The following SRSF11 variants were observed in gnomAD, a reference collection of about 807,000 sequenced individuals.
SRSF11 encodes serine/arginine-rich splicing factor 11.
Under a neutral mutation model 56.0 loss-of-function variants are expected in SRSF11, and 9 were observed. The observed-to-expected ratio is 0.16, with a 90% CI of 0.10 to 0.28. The LOEUF (loss-of-function observed/expected upper bound fraction) is 0.28. Among genes scored for constraint, SRSF11 ranks in the 10% least tolerant of loss-of-function variants. The pLI, the probability that SRSF11 is intolerant of heterozygous loss-of-function variation, is 1.00. For synonymous variants in SRSF11, 222 were observed against 215.3 expected (o/e 1.03, Z -0.27); for missense variants, 421 against 600.7 (o/e 0.70, Z 3.13).
intron 2 of SRSF11, chr1:70,229,699 T>C (rs1672496133): frequency 1.0e-6 from 1 of 985,130 alleles, no homozygotes; most frequent in African/African-American, 1.7e-5. Flanking sequence ...TCTGAAATCT[T>C]TGAAAACAAA....
Position 70,228,464 on chromosome 1 carries a change from G to A in SRSF11, c.246G>A (p.Lys82=), listed in dbSNP as rs768523851. The A allele has an allele frequency of 1.7e-5, 28 of 1,612,794 alleles. No homozygotes were observed. The highest frequency in any genetic ancestry group is 3.3e-4 in the Middle Eastern group (2 of 6,058). The change falls in exon 2 of 12, where the codon AAG becomes AAA. Residue 82 remains lysine (K), a synonymous_variant. Coordinates refer to ENST00000370949, the MANE Select transcript of SRSF11 (RefSeq NM_001350605.2). The stretch of plus-strand genomic sequence containing the variant: ...TCTCATCTCGTGTCTGCTTTGTTAA[G>A]TTCCATGATCCAGACTCAGCAGTTG... ...LPVSSRVCFV[K]FHDPDSAVVA...
Position 70,244,758 on chromosome 1 carries a change from G to A in SRSF11, c.875G>A (p.Arg292Gln), listed in dbSNP as rs747203449. 2.9e-5 allele frequency: 47 copies of A among 1,613,992 alleles called. No individual in the cohort carries two copies. The highest frequency in any genetic ancestry group is 1.7e-4 in the Admixed American group (10 of 59,994). ...RSRRRSKSPR[R>Q]RRSHSRERGR... ...CGGCGACGATCCAAAAGCCCAAGGC[G>A]GAGAAGATCTCATTCCAGAGAAAGA... Residue 292 changes from arginine (R) to glutamine (Q), a missense_variant, in exon 8 of 12, where the codon CGG becomes CAG. Arg to Gln is a conservative substitution (Grantham distance 43). This residue lies in a region of SRSF11 where 253 missense variants were observed against 305.8 expected (regional missense o/e 0.83). Transcript: ENST00000370949.
Position 70,221,387 on chromosome 1 carries a change from T to A in SRSF11, c.-250T>A, listed in dbSNP as rs942835115. ...TGGGAGCTCGGGCCCGCTAGTGTCG[T>A]GGTTGGAGGCGAGGTGGGGCGGCCG... On this transcript the variant is annotated 5_prime_UTR_variant, in exon 1 of 12. Coordinates refer to ENST00000370949, the MANE Select transcript of SRSF11 (RefSeq NM_001350605.2). The A allele has an allele frequency of 3.9e-6, 2 of 512,896 alleles. No homozygotes were observed. Among genetic ancestry groups the A allele is most frequent in the Middle Eastern group, 4.9e-4 (1 of 2,026 alleles). The allele number at this position is 512,896 out of a possible 1,614,324, so 31.8% of individuals were successfully genotyped here.
intron 2 of SRSF11, chr1:70,229,330 C>A: frequency 8.0e-7 from 1 of 1,252,438 alleles, no homozygotes; most frequent in African/African-American, 1.5e-5. Flanking sequence ...AAGTGTTTTC[C>A]TGGTGTAACC....
At chr1:70,226,825 C>A (rs1332149208) in intron 1 of SRSF11, among the ~76,000 whole-genome samples, 1 of 152,200 alleles carries the variant, frequency 6.6e-6, no homozygotes, top group African/African-American at 2.4e-5. Context: ...CATAGTAAGA[C>A]CCCTCCCATT....
intron 6 of SRSF11, 66 bp downstream of exon 6, chr1:70,237,618 A>G: frequency 6.3e-7 from 1 of 1,593,514 alleles, no homozygotes; most frequent in East Asian, 2.2e-5. Flanking sequence ...ATAAATGTGG[A>G]ATTGTGTTGA....
At chr1:70,229,311 A>G in intron 2 of SRSF11, 1 of 1,278,570 alleles carries the variant, frequency 7.8e-7, no homozygotes, top group South Asian at 1.3e-5. Flanking sequence ...GCAAGCACTC[A>G]AGTGCCCCAA....
At chr1:70,221,277 T>C (rs1006367213), upstream of SRSF11, 2 of 274,816 alleles carry the variant, frequency 7.3e-6, no homozygotes, top group African/African-American at 2.2e-5. Context: ...CCCCGGTGCC[T>C]CTCATTTCTC....
chr1:70,236,826 C>G (rs990746785), intron 5 of SRSF11, among the ~76,000 whole-genome samples: 5 of 85,634 alleles, frequency 5.8e-5, no homozygotes, highest in Non-Finnish European at 1.1e-4. Flanking sequence ...TTTTTTGAGA[C>G]GAAATCTCAC....
chr1:70,250,666 A>T lies in SRSF11; in HGVS notation c.1316A>T (p.Lys439Ile). ...GGGTATGACAGTGAGAAAGAGAAAA[A>T]AGAAGAGAAGAAACCAATAGAAACA... is the stretch of plus-strand genomic sequence containing the variant. ...EQGYDSEKEK[K>I]EEKKPIETGS... The change falls in exon 12 of 12, where the codon AAA (lysine) becomes ATA (isoleucine). Residue 439 changes from lysine (K) to isoleucine (I), a missense_variant. By Grantham distance (102) the Lys-to-Ile change is moderately radical. This residue lies in a region of SRSF11 where 253 missense variants were observed against 305.8 expected (regional missense o/e 0.83). Coordinates refer to ENST00000370949, the MANE Select transcript of SRSF11 (RefSeq NM_001350605.2). 1 of 1,613,970 alleles carries T rather than the reference A, an allele frequency of 6.2e-7. No individual in the cohort carries two copies. The highest frequency in any genetic ancestry group is 8.5e-7 in the Non-Finnish European group (1 of 1,179,932).
At chr1:70,215,551 G>A (rs1402103046) in intron 1 of SRSF11, among the ~76,000 whole-genome samples, 4 of 152,138 alleles carry the variant, frequency 2.6e-5, no homozygotes, top group Non-Finnish European at 5.9e-5. Context: ...CTGATAAATT[G>A]CCTTTTCTAG....
chr1:70,213,260 G>A (rs529559920), intron 1 of SRSF11, among the ~76,000 whole-genome samples: 3 of 152,158 alleles, frequency 2.0e-5, no homozygotes, highest in Non-Finnish European at 4.4e-5. Flanking sequence ...CTAATTAGAA[G>A]AAGTATTTAT....
intron 4 of SRSF11, 45 bp from the exon 5 acceptor site, chr1:70,235,456 T>TA: frequency 6.7e-7 from 1 of 1,491,372 alleles, no homozygotes; most frequent in Non-Finnish European, 9.2e-7. Flanking sequence ...ATCGGTCATT[T>TA]ATTGTTTTAT....
chr1:70,229,479 C>T (rs892162873), intron 2 of SRSF11: 7 of 984,832 alleles, frequency 7.1e-6, no homozygotes, highest in East Asian at 2.3e-4. Flanking sequence ...TTTTCTAAGG[C>T]GTATTTTATA....
chr1:70,228,805 C>T, intron 2 of SRSF11: 1 of 1,138,606 alleles, frequency 8.8e-7, no homozygotes, highest in South Asian at 3.2e-5. Flanking sequence ...AAACCATGTC[C>T]CTTATTGTAA....
At chr1:70,208,325 G>GGTGT (rs112343589) in intron 1 of SRSF11, among the ~76,000 whole-genome samples, 2,503 of 148,710 alleles carry the variant, frequency 0.017, 70 homozygotes, top group African/African-American at 0.056. Flanking sequence ...TACAGTGTAT[G>GGTGT]GTGTGTGTGT....
At chr1:70,231,482 A>G in intron 2 of SRSF11, 1 of 1,058,844 alleles carries the variant, frequency 9.4e-7, no homozygotes, top group Non-Finnish European at 1.1e-6. Context: ...TGGCTAAGTT[A>G]GCTTTTCAAC....
Position 70,221,535 on chromosome 1 carries a change from A to G in SRSF11, c.-102A>G. 1.4e-6 allele frequency: 2 copies of G among 1,443,388 alleles called. No homozygotes were observed. Among genetic ancestry groups the G allele is most frequent in the South Asian group, 1.4e-5 (1 of 71,322 alleles). The allele number at this position is 1,443,388 out of a possible 1,614,324, so 89.4% of individuals were successfully genotyped here. A position where few individuals can be genotyped will look rare whatever the true frequency, so the allele number is the denominator to read the frequency against. On this transcript the variant is annotated 5_prime_UTR_variant, in exon 1 of 12. Transcript: ENST00000370949. ...GCAGTAGCAGAGGCTGTAGCATCGG[A>G]CACCCTCCTCTCTCCCGCAATCCGG...
intron 3 of SRSF11, 94 bp from the exon 4 acceptor site, chr1:70,234,602 G>GTT: frequency 1.0e-6 from 1 of 975,994 alleles, no homozygotes; most frequent in Non-Finnish European, 1.5e-6. Context: ...GAAAACTCAA[G>GTT]TTGTTATCTG....
Sources: allele counts gnomAD v4.1 joint callset (sites outside exome capture counted in the v4.1 genomes callset), GRCh38; gene constraint gnomAD v4.1.1; regional missense constraint gnomAD v4.1.1; transcripts MANE v1.5; gene names NCBI Gene and HGNC (gene_info 2026-07-23, HGNC 2026-07-21).